NRG3: variants seen among roughly 807,000 people sequenced by gnomAD.
The protein encoded by NRG3 is neuregulin 3, also known as pro-neuregulin-3, membrane-bound isoform.
Under a neutral mutation model 66.9 loss-of-function variants are expected in NRG3, and 31 were observed. That is an observed-to-expected ratio of 0.46 (90% CI 0.35 to 0.63). The LOEUF is 0.63. Among genes scored for constraint, NRG3 ranks in the 20% least tolerant of loss-of-function variants. NRG3 has a pLI of 0.00. For synonymous variants in NRG3, 393 were observed against 359.4 expected (o/e 1.09, Z -1.06); for missense variants, 910 against 878.9 (o/e 1.04, Z -0.45).
At chr10:82,436,738 C>A (rs573278301) in intron 2 of NRG3, among the ~76,000 whole-genome samples, 2 of 152,270 alleles carry the variant, frequency 1.3e-5, no homozygotes, top group South Asian at 2.1e-4. Flanking sequence ...CTGGTGGTAA[C>A]AAAATCCCTC....
intron 4 of NRG3, among the ~76,000 whole-genome samples, chr10:82,929,094 A>G (rs1847304114): frequency 6.6e-6 from 1 of 152,208 alleles, no homozygotes; most frequent in Non-Finnish European, 1.5e-5. Context: ...GGATCGTTTT[A>G]TCCTAGAAAT....
chr10:82,078,840 C>T (rs143701546), intron 1 of NRG3, among the ~76,000 whole-genome samples: 2 of 152,268 alleles, frequency 1.3e-5, no homozygotes, highest in Non-Finnish European at 2.9e-5. Flanking sequence ...CAGAACATCC[C>T]AGGCATTTCC....
At chr10:82,070,246 C>T (rs1170474171) in intron 1 of NRG3, among the ~76,000 whole-genome samples, 3 of 152,080 alleles carry the variant, frequency 2.0e-5, no homozygotes, top group Non-Finnish European at 4.4e-5. Context: ...ACTTTTTCCA[C>T]ATTGAGGGGG....
chr10:82,261,996 C>A (rs777666902), intron 1 of NRG3, among the ~76,000 whole-genome samples: 99 of 152,286 alleles, frequency 6.5e-4, no homozygotes, highest in Non-Finnish European at 1.1e-3. Flanking sequence ...CCTGCTCTCA[C>A]CATGTGATGC....
chr10:82,447,934 T>A (rs2090823982), intron 2 of NRG3, among the ~76,000 whole-genome samples: 1 of 152,222 alleles, frequency 6.6e-6, no homozygotes, highest in African/African-American at 2.4e-5. Context: ...TTTAGAGACC[T>A]CCTTTCACTA....
At chr10:82,120,000 G>A (rs1168208548) in intron 1 of NRG3, among the ~76,000 whole-genome samples, 2 of 151,896 alleles carry the variant, frequency 1.3e-5, no homozygotes, top group East Asian at 3.9e-4. Context: ...ATGTTTTAAG[G>A]GAATATGACA....
intron 2 of NRG3, among the ~76,000 whole-genome samples, chr10:82,447,604 A>T (rs1351763054): frequency 6.6e-6 from 1 of 152,168 alleles, no homozygotes; most frequent in Admixed American, 6.5e-5. Flanking sequence ...ATGCACACAC[A>T]CTTACCTATG....
At position 82,304,902 on chromosome 10, in the gene NRG3, A is replaced by C. The variant is rs563762233; in HGVS notation, c.824-53837A>C. ...GATTATACCAAGAATCTTGGGAGCT[A>C]TCTTAAAATATTGACTATCACAGAT... On this transcript the variant is annotated intron_variant, in intron 1 of 8. Coordinates refer to ENST00000372141, the MANE Select transcript of NRG3 (RefSeq NM_001010848.4). 4.6e-5 allele frequency among the ~76,000 whole-genome samples: 7 copies of C among 150,582 alleles called. No individual in the cohort carries two copies. The East Asian group carries it at 1.4e-3, about 30-fold the overall frequency.
chr10:82,263,122 C>T (rs1032886913), intron 1 of NRG3, among the ~76,000 whole-genome samples: 14 of 152,110 alleles, frequency 9.2e-5, no homozygotes, highest in Non-Finnish European at 1.8e-4. Flanking sequence ...GTTTCCAAAA[C>T]GATGAGTCTG....
At chr10:82,902,982 G>A (rs1041663305) in intron 4 of NRG3, among the ~76,000 whole-genome samples, 1 of 151,934 alleles carries the variant, frequency 6.6e-6, no homozygotes, top group Non-Finnish European at 1.5e-5. Flanking sequence ...GGAAAAGTTA[G>A]GCATGTCATG....
intron 1 of NRG3, among the ~76,000 whole-genome samples, chr10:82,266,422 T>C (rs2078299202): frequency 6.6e-6 from 1 of 152,116 alleles, no homozygotes; most frequent in Non-Finnish European, 1.5e-5. Flanking sequence ...GGCCTACATT[T>C]GACCTTCCTG....
At chr10:82,117,421 C>T (rs2067799486) in intron 1 of NRG3, among the ~76,000 whole-genome samples, 1 of 152,170 alleles carries the variant, frequency 6.6e-6, no homozygotes. Flanking sequence ...CACTTCCAAT[C>T]CCTCTCAGAT....
chr10:82,308,112 G>A (rs2080840427), intron 1 of NRG3, among the ~76,000 whole-genome samples: 1 of 152,126 alleles, frequency 6.6e-6, no homozygotes. Context: ...CAAACAAGAA[G>A]TATAGTTTTT....
chr10:82,625,312 G>A lies in NRG3; in HGVS notation c.954-113265G>A, dbSNP rs539288217. ...TTTTAGTTAGAAAAGAAAAAAAAAT[G>A]ATCACAAATCACTGGTAAACATCTG... On this transcript the variant is annotated intron_variant, in intron 2 of 8. Coordinates refer to ENST00000372141, the MANE Select transcript of NRG3 (RefSeq NM_001010848.4). Among the ~76,000 whole-genome samples the A allele has an allele frequency of 4.6e-5, 7 of 151,646 alleles. No homozygotes were observed. In the South Asian group the frequency reaches 1.2e-3, roughly 27 times the overall value.
intron 4 of NRG3, among the ~76,000 whole-genome samples, chr10:82,884,167 A>G (rs1842533708): frequency 1.3e-5 from 2 of 151,962 alleles, no homozygotes; most frequent in South Asian, 2.1e-4. Flanking sequence ...CTTGGGGGGA[A>G]AAAAAAGATG....
intron 4 of NRG3, among the ~76,000 whole-genome samples, chr10:82,874,104 T>C (rs79342536): frequency 0.019 from 2,948 of 152,238 alleles, 87 homozygotes; most frequent in African/African-American, 0.067. Context: ...TTAGAATTGA[T>C]AGAATATTAC....
At chr10:82,055,739 T>A (rs2063814940) in intron 1 of NRG3, among the ~76,000 whole-genome samples, 1 of 151,766 alleles carries the variant, frequency 6.6e-6, no homozygotes, top group Admixed American at 6.6e-5. Flanking sequence ...CGATGAAAAA[T>A]TTACAATGCA....
intron 2 of NRG3, among the ~76,000 whole-genome samples, chr10:82,435,546 C>T (rs563843189): frequency 4.6e-5 from 7 of 151,974 alleles, no homozygotes; most frequent in South Asian, 2.1e-4. Context: ...GTTAAGTTGT[C>T]GATATGAGAT....
chr10:82,570,984 A>G (rs565856382), intron 2 of NRG3, among the ~76,000 whole-genome samples: 1 of 151,714 alleles, frequency 6.6e-6, no homozygotes, highest in East Asian at 1.9e-4. Flanking sequence ...CTGTGCTTTT[A>G]GATATCTATT....
Sources: gnomAD v4.1 joint callset for allele counts (sites outside exome capture counted in the v4.1 genomes callset) on GRCh38, gnomAD v4.1.1 for gene constraint, MANE v1.5 for transcripts, NCBI Gene and HGNC (gene_info 2026-07-23, HGNC 2026-07-21) for gene names.